Variants in EIF2AK4 observed in about 807,000 individuals in gnomAD.
EIF2AK4 encodes the protein eukaryotic translation initiation factor 2 alpha kinase 4.
A neutral mutation model predicts 211.1 loss-of-function variants in EIF2AK4; 139 were observed. That is an observed-to-expected ratio of 0.66 (90% CI 0.57 to 0.76). EIF2AK4 has a LOEUF of 0.76. EIF2AK4 is among the 30% of genes least tolerant of loss of function. The pLI is 0.00. For missense variants in EIF2AK4, 1,664 were observed against 2,043.8 expected, an observed-to-expected ratio of 0.81 and a Z score of 3.58; for synonymous variants, 710 against 751.3, an observed-to-expected ratio of 0.94 and a Z score of 0.90.
intron 21 of EIF2AK4, 123 bp from the exon 22 acceptor site, chr15:40,002,590 C>A (rs540425098): frequency 2.0e-6 from 2 of 983,956 alleles, no homozygotes; most frequent in African/African-American, 1.6e-5. Context: ...ATGGACTTGT[C>A]AAGACTTGTT....
At chr15:40,006,886 C>A in intron 23 of EIF2AK4, 130 bp from the exon 24 acceptor site, 1 of 648,656 alleles carries the variant, frequency 1.5e-6, no homozygotes, top group Non-Finnish European at 2.7e-6. Flanking sequence ...TTAGTGAATA[C>A]ACTAAAAGCC....
At chr15:39,981,086 A>T (rs1018358201) in intron 13 of EIF2AK4, among the ~76,000 whole-genome samples, 24 of 152,128 alleles carry the variant, frequency 1.6e-4, no homozygotes, top group African/African-American at 5.6e-4. Flanking sequence ...GCATAAATAA[A>T]CTATGTTGGC....
chr15:40,011,702 G>C (rs947091308), intron 27 of EIF2AK4, among the ~76,000 whole-genome samples: 16 of 152,148 alleles, frequency 1.1e-4, no homozygotes, highest in African/African-American at 3.9e-4. Context: ...AGATTATACA[G>C]GACTAGAAGG....
chr15:39,951,649 GC>G, intron 4 of EIF2AK4: 2 of 226,190 alleles, frequency 8.8e-6, no homozygotes, highest in Non-Finnish European at 1.9e-5. Context: ...ACAGTACCAG[GC>G]CTGAAATGAT....
chr15:40,019,068 C>G (rs752806564), intron 29 of EIF2AK4, 25 bp from the exon 30 acceptor site: 1 of 1,532,282 alleles, frequency 6.5e-7, no homozygotes, highest in South Asian at 1.2e-5. Context: ...ATTTCATAAC[C>G]ATAACTGTTT....
intron 33 of EIF2AK4, among the ~76,000 whole-genome samples, chr15:40,028,577 G>T (rs1036160871): frequency 1.2e-4 from 18 of 152,166 alleles, no homozygotes; most frequent in Non-Finnish European, 1.8e-4. Context: ...TAAAATTTCA[G>T]TAGTACCAAG....
chr15:40,015,345 C>G (rs1244253428), intron 27 of EIF2AK4, among the ~76,000 whole-genome samples: 1 of 152,198 alleles, frequency 6.6e-6, no homozygotes, highest in Non-Finnish European at 1.5e-5. Flanking sequence ...TCACAGTTCT[C>G]TGTGGCTGAG....
In EIF2AK4 at chr15:40,030,274, TAATA is replaced by T. The variant is rs546030733; in HGVS notation, c.4562-82_4562-79del. On this transcript the variant is annotated intron_variant, in intron 34 of 38. Transcript: ENST00000263791. ...CTTAGAATCACGACAGGATGTCTAC[TAATA>T]AACTCTGCCATCTCTCTGTAGTATG... 3.6e-5 allele frequency: 47 copies of T among 1,321,854 alleles called. No homozygotes were observed. In the African/African-American group the frequency reaches 6.6e-4, roughly 18 times the overall value. The allele number at this position is 1,321,854 out of a possible 1,614,324, so 81.9% of individuals were successfully genotyped here.
rs1382148322 is a variant in EIF2AK4, at chr15:40,001,022, C to G, written c.2957C>G (p.Pro986Arg). The G allele has an allele frequency of 1.2e-6, 2 of 1,614,182 alleles. No homozygotes were observed. The highest frequency in any genetic ancestry group is 1.7e-5 in the Admixed American group (1 of 60,018). ...ATCTCCTGGCTGTTGAACCACGATC[C>G]AGCAAAACGGCCCACAGCCACAGAA... ...SVISWLLNHD[P>R]AKRPTATELL... The change falls in exon 21 of 39, where the codon CCA (proline) becomes CGA (arginine). Residue 986 changes from proline (P) to arginine (R), a missense_variant. Physicochemically the swap from Pro to Arg is moderately radical, Grantham distance 103. This residue lies in a region of EIF2AK4 where 622 missense variants were observed against 796.8 expected (regional missense o/e 0.78). Transcript: ENST00000263791.
chr15:40,003,114 C>T (rs2035114420), intron 22 of EIF2AK4, 79 bp from the exon 23 acceptor site: 1 of 1,564,336 alleles, frequency 6.4e-7, no homozygotes, highest in Admixed American at 1.9e-5. Flanking sequence ...ACTTAACTGT[C>T]AGGTTTGTGT....
chr15:39,959,567 C>T (rs2034438610), intron 6 of EIF2AK4, among the ~76,000 whole-genome samples: 1 of 152,186 alleles, frequency 6.6e-6, no homozygotes, highest in Admixed American at 6.5e-5. Flanking sequence ...TTGTACTTAT[C>T]AGTCATAATA....
intron 19 of EIF2AK4, 103 bp from the exon 20 acceptor site, chr15:39,998,628 A>G: frequency 1.1e-6 from 1 of 870,260 alleles, no homozygotes; most frequent in Non-Finnish European, 1.8e-6. Context: ...TTTTCTTGCT[A>G]GCAAATTTTT....
At chr15:39,974,615 C>T (rs774417142) in intron 11 of EIF2AK4, 1 of 152,206 alleles carries the variant, frequency 6.6e-6, no homozygotes, top group Non-Finnish European at 1.5e-5. Context: ...ATGATTGAAG[C>T]GTATACTGTC....
At chr15:39,962,941 A>G (rs1294757019) in intron 7 of EIF2AK4, among the ~76,000 whole-genome samples, 2 of 152,204 alleles carry the variant, frequency 1.3e-5, no homozygotes, top group Admixed American at 6.5e-5. Flanking sequence ...AATCCCATGC[A>G]TATTTTTGCC....
intron 19 of EIF2AK4, among the ~76,000 whole-genome samples, chr15:39,997,778 T>TA (rs1039359773): frequency 1.1e-4 from 16 of 152,210 alleles, no homozygotes; most frequent in Non-Finnish European, 2.4e-4. Flanking sequence ...GGACCAGTGT[T>TA]ACATGTGCGA....
chr15:39,946,653 A>C, intron 3 of EIF2AK4: 1 of 700,660 alleles, frequency 1.4e-6, no homozygotes, highest in Non-Finnish European at 2.6e-6. Context: ...AAAGGCTATC[A>C]AACAGCATTG....
At chr15:39,984,936 C>T (rs542155381) in intron 13 of EIF2AK4, among the ~76,000 whole-genome samples, 1 of 152,304 alleles carries the variant, frequency 6.6e-6, no homozygotes, top group Admixed American at 6.5e-5. Flanking sequence ...TGCCGATTTT[C>T]AAAGGGAATG....
Position 40,026,887 on chromosome 15 carries a change from T to C in EIF2AK4, c.4502+798T>C, listed in dbSNP as rs567990249. ...ACCCAGCAATTCCACTTTCAGGAAT[T>C]TATAATAAAAATTATTTTAAAGATG... On this transcript the variant is annotated intron_variant, in intron 33 of 38. Coordinates refer to ENST00000263791, the MANE Select transcript of EIF2AK4 (RefSeq NM_001013703.4). Among the ~76,000 whole-genome samples the C allele has an allele frequency of 2.8e-4, 42 of 152,296 alleles. No individual in the cohort carries two copies. In the East Asian group the frequency reaches 7.9e-3, roughly 29 times the overall value.
chr15:40,009,064 A>T (rs1430309289), intron 25 of EIF2AK4, among the ~76,000 whole-genome samples: 1 of 129,544 alleles, frequency 7.7e-6, no homozygotes, highest in East Asian at 2.3e-4. Flanking sequence ...GACCAGTCAG[A>T]GTTGTTTTTG....
Sources: allele counts gnomAD v4.1 joint callset (sites outside exome capture counted in the v4.1 genomes callset), GRCh38; gene constraint gnomAD v4.1.1; regional missense constraint gnomAD v4.1.1; transcripts MANE v1.5; gene names NCBI Gene and HGNC (gene_info 2026-07-23, HGNC 2026-07-21).